The following GFRA2 variants were observed in gnomAD, a reference collection of about 807,000 sequenced individuals.
GFRA2 encodes the protein GDNF family receptor alpha 2.
GFRA2 carries 17 observed loss-of-function variants against 48.3 expected under a neutral mutation model. That is an observed-to-expected ratio of 0.35 (90% confidence interval 0.24 to 0.53). The LOEUF is 0.53. Among genes scored for constraint, GFRA2 ranks in the 20% least tolerant of loss-of-function variants. GFRA2 has a pLI of 0.93. For synonymous variants in GFRA2, 305 were observed against 257.2 expected (o/e 1.19, Z -1.78); for missense variants, 660 against 637.3 (o/e 1.04, Z -0.38).
In GFRA2 at chr8:21,782,785, T is replaced by C. The variant is rs1449826649; in HGVS notation, c.155A>G (p.Asn52Ser). 2.5e-6 allele frequency: 4 copies of C among 1,588,404 alleles called. No homozygotes were observed. In the South Asian group the frequency reaches 3.4e-5, roughly 14 times the overall value. Reference protein sequence around the residue: ...RANELCAAESNCSSRYRTLRQ... With the variant: ...RANELCAAESSCSSRYRTLRQ... ...CAGAGTGCGGTAGCGAGAGCTGCAGTTGGATTCGGCGGCACACAGCTCATT... is the reference window on the plus strand; with the variant it reads ...CAGAGTGCGGTAGCGAGAGCTGCAGCTGGATTCGGCGGCACACAGCTCATT... Residue 52 changes from asparagine (N) to serine (S), a missense_variant, in exon 2 of 9, where the codon AAC (asparagine) becomes AGC (serine). Transcript: ENST00000524240.
At chr8:21,717,002 A>G (rs1245744365) in intron 4 of GFRA2, among the ~76,000 whole-genome samples, 2 of 152,220 alleles carry the variant, frequency 1.3e-5, no homozygotes, top group Non-Finnish European at 2.9e-5. Context: ...CTCTTTAAAT[A>G]AACACTGCTA....
At chr8:21,781,118 A>G (rs1806964625) in intron 2 of GFRA2, among the ~76,000 whole-genome samples, 1 of 152,076 alleles carries the variant, frequency 6.6e-6, no homozygotes, top group South Asian at 2.1e-4. Flanking sequence ...ACAAATAAAT[A>G]GCTCTTAGAC....
Position 21,698,852 on chromosome 8 carries a change from C to T in GFRA2, c.1218+3953G>A, listed in dbSNP as rs558690429. ...TCTGTGCTGTCCTGACTCTGTGCCT[C>T]GGCTCCGCTGCTGATTCACCTGGGG... On this transcript the variant is annotated intron_variant, in intron 7 of 8. Transcript: ENST00000524240. Among the ~76,000 whole-genome samples, 6 of 151,366 alleles carry T rather than the reference C, an allele frequency of 4.0e-5. No individual in the cohort carries two copies. The East Asian group carries it at 1.2e-3, about 29-fold the overall frequency.
chr8:21,755,474 A>G (rs1303110206), intron 3 of GFRA2, among the ~76,000 whole-genome samples: 3 of 152,220 alleles, frequency 2.0e-5, no homozygotes, highest in African/African-American at 4.8e-5. Context: ...ATCCATTAAT[A>G]TATCTTTAAT....
intron 4 of GFRA2, among the ~76,000 whole-genome samples, chr8:21,728,695 T>G (rs1319920683): frequency 1.3e-5 from 2 of 152,166 alleles, no homozygotes; most frequent in African/African-American, 4.8e-5. Flanking sequence ...CTGCTTCAAG[T>G]TTCTGCTCGA....
intron 4 of GFRA2, among the ~76,000 whole-genome samples, chr8:21,710,111 C>T (rs928482059): frequency 6.6e-6 from 1 of 152,172 alleles, no homozygotes; most frequent in African/African-American, 2.4e-5. Flanking sequence ...GGGTATCTGT[C>T]GCATGGCCAC....
intron 2 of GFRA2, among the ~76,000 whole-genome samples, chr8:21,798,726 G>T (rs898455291): frequency 6.6e-6 from 1 of 152,122 alleles, no homozygotes; most frequent in Non-Finnish European, 1.5e-5. Context: ...ACCACCCTTC[G>T]CTATCTGTTT....
chr8:21,728,088 G>C (rs566691265), intron 4 of GFRA2, among the ~76,000 whole-genome samples: 27 of 152,082 alleles, frequency 1.8e-4, no homozygotes, highest in Non-Finnish European at 3.7e-4. Flanking sequence ...TGGACTCCCT[G>C]TCCACAGGCC....
intron 2 of GFRA2, among the ~76,000 whole-genome samples, chr8:21,797,043 G>GA: frequency 6.6e-6 from 1 of 152,328 alleles, no homozygotes; most frequent in Admixed American, 6.5e-5. Flanking sequence ...ACACAGTCAG[G>GA]AAGCTGCTGA....
chr8:21,736,311 A>AG (rs1319472640), intron 4 of GFRA2, among the ~76,000 whole-genome samples: 1 of 152,178 alleles, frequency 6.6e-6, no homozygotes, highest in Non-Finnish European at 1.5e-5. Context: ...GTATTTAGAG[A>AG]GAAAAAAAAA....
intron 4 of GFRA2, among the ~76,000 whole-genome samples, chr8:21,718,114 A>C (rs112995901): frequency 6.6e-6 from 1 of 152,124 alleles, no homozygotes; most frequent in African/African-American, 2.4e-5. Context: ...TCCCCACCCA[A>C]ATCTCATCTT....
intron 3 of GFRA2, among the ~76,000 whole-genome samples, chr8:21,766,066 C>T (rs36175647): frequency 0.25 from 38,303 of 151,884 alleles, 5,522 homozygotes; most frequent in African/African-American, 0.39. Context: ...TCAACCGCCT[C>T]AATGCCTCCA....
chr8:21,716,061 G>A (rs1402493437), intron 4 of GFRA2, among the ~76,000 whole-genome samples: 1 of 152,092 alleles, frequency 6.6e-6, no homozygotes, highest in African/African-American at 2.4e-5. Context: ...GGTGGCTCAC[G>A]CCTGCAATTC....
Position 21,731,040 on chromosome 8 carries a change from G to A in GFRA2, c.794+19548C>T, listed in dbSNP as rs185243689. The stretch of plus-strand genomic sequence containing the variant: ...CGTGTTGCGGACACTAACTCGGCTC[G>A]CGTGTCCCCTCATTTGAAAGGGGCC... On this transcript the variant is annotated intron_variant, in intron 4 of 8. Coordinates refer to ENST00000524240, the MANE Select transcript of GFRA2 (RefSeq NM_001495.5). Among the ~76,000 whole-genome samples the A allele has an allele frequency of 8.5e-5, 13 of 152,062 alleles. No individual in the cohort carries two copies. In the East Asian group the frequency reaches 1.4e-3, roughly 16 times the overall value.
At chr8:21,697,259 G>A (rs1403411839) in intron 7 of GFRA2, among the ~76,000 whole-genome samples, 3 of 146,646 alleles carry the variant, frequency 2.0e-5, no homozygotes, top group Non-Finnish European at 3.0e-5. Context: ...AAGATAGCAG[G>A]AGGGGAGGGG....
intron 4 of GFRA2, among the ~76,000 whole-genome samples, chr8:21,731,019 T>C (rs1804162787): frequency 6.6e-6 from 1 of 152,104 alleles, no homozygotes; most frequent in South Asian, 2.1e-4. Context: ...CTTCCTCGTG[T>C]TGCGGACACT....
intron 4 of GFRA2, among the ~76,000 whole-genome samples, chr8:21,737,136 T>C (rs561550708): frequency 2.2e-4 from 34 of 152,294 alleles, no homozygotes; most frequent in African/African-American, 7.7e-4. Context: ...CAACTCACCC[T>C]AATTTCCAAC....
At chr8:21,718,894 C>A (rs1411543964) in intron 4 of GFRA2, among the ~76,000 whole-genome samples, 2 of 150,186 alleles carry the variant, frequency 1.3e-5, no homozygotes, top group Admixed American at 6.7e-5. Flanking sequence ...CTCTCCCCAG[C>A]CCCCAACTCT....
At position 21,744,550 on chromosome 8, in the gene GFRA2, A is replaced by AACACACACACACACACACACACAC. The variant is rs71721911; in HGVS notation, c.794+6014_794+6037dup. Among the ~76,000 whole-genome samples, 68 of 140,222 alleles carry AACACACACACACACACACACACAC rather than the reference A, an allele frequency of 4.8e-4. 1 individual carries two copies. Among genetic ancestry groups the AACACACACACACACACACACACAC allele is most frequent in the African/African-American group, 1.8e-3 (64 of 34,632 alleles). The allele number at this position is 140,222 out of a possible 152,430, so 92.0% of individuals were successfully genotyped here. A position where few individuals can be genotyped will look rare whatever the true frequency, so the allele number is the denominator to read the frequency against. The stretch of plus-strand genomic sequence containing the variant: ...CTCCCACGACCCCCCAACCACCACC[A>AACACACACACACACACACACACAC]ACACACACACACACACACACACACA... On this transcript the variant is annotated intron_variant, in intron 4 of 8. Coordinates refer to ENST00000524240, the MANE Select transcript of GFRA2 (RefSeq NM_001495.5).
Sources: allele counts gnomAD v4.1 joint callset (sites outside exome capture counted in the v4.1 genomes callset), GRCh38; gene constraint gnomAD v4.1.1; transcripts MANE v1.5; gene names NCBI Gene and HGNC (gene_info 2026-07-23, HGNC 2026-07-21).